The following WWOX variants were observed in gnomAD, a reference collection of about 807,000 sequenced individuals.
WWOX encodes the protein WW domain-containing oxidoreductase.
Under a neutral mutation model 46.2 loss-of-function variants are expected in WWOX, and 69 were observed. The ratio of observed to expected loss-of-function variants is 1.49; its 90% CI spans 1.23 to 1.82. The LOEUF (loss-of-function observed/expected upper bound fraction) is 1.82, where lower values mean the gene tolerates loss of function less well. Ranked by LOEUF, WWOX falls within the 40% of genes most tolerant of loss-of-function variation. The pLI is 0.00. For missense variants in WWOX, 919 were observed against 542.6 expected, an observed-to-expected ratio of 1.69 and a Z score of -6.89; for synonymous variants, 359 against 202.6, an observed-to-expected ratio of 1.77 and a Z score of -6.56.
chr16:78,113,141 G>C (rs1294889241), intron 3 of WWOX, among the ~76,000 whole-genome samples: 1 of 152,140 alleles, frequency 6.6e-6, no homozygotes, highest in Non-Finnish European at 1.5e-5. Flanking sequence ...CATGGTTCCT[G>C]GACCAGCAGC....
chr16:78,130,629 C>A (rs547069369), intron 4 of WWOX, among the ~76,000 whole-genome samples: 1 of 152,226 alleles, frequency 6.6e-6, no homozygotes, highest in Non-Finnish European at 1.5e-5. Flanking sequence ...TACCTGCCTG[C>A]TTCCTGTAGA....
intron 8 of WWOX, among the ~76,000 whole-genome samples, chr16:79,004,957 A>C (rs913740330): frequency 5.3e-5 from 8 of 152,044 alleles, no homozygotes; most frequent in Non-Finnish European, 1.2e-4. Context: ...TTCAGAAAGG[A>C]GGAGTTGTTG....
chr16:78,386,042 C>T (rs780750432), intron 5 of WWOX, among the ~76,000 whole-genome samples: 8 of 152,182 alleles, frequency 5.3e-5, no homozygotes, highest in African/African-American at 2.4e-5. Context: ...CCGACCTCTC[C>T]AGTTCTCCTG....
intron 8 of WWOX, among the ~76,000 whole-genome samples, chr16:79,074,718 C>G (rs1184444020): frequency 6.6e-6 from 1 of 151,894 alleles, no homozygotes; most frequent in African/African-American, 2.4e-5. Context: ...CTCTTCTTCC[C>G]TCTACAAAGA....
chr16:78,869,475 C>T (rs781296295), intron 8 of WWOX, among the ~76,000 whole-genome samples: 3 of 152,194 alleles, frequency 2.0e-5, no homozygotes, highest in Non-Finnish European at 4.4e-5. Context: ...CACAGCCCTC[C>T]CTCCCAGCTC....
intron 5 of WWOX, chr16:78,238,137 T>C (rs2037504120): frequency 6.6e-6 from 1 of 152,226 alleles, no homozygotes; most frequent in Admixed American, 6.5e-5. Flanking sequence ...GGTTCCAGCT[T>C]GGAAATATCC....
chr16:78,454,975 C>T (rs1313102903), intron 8 of WWOX, among the ~76,000 whole-genome samples: 1 of 152,188 alleles, frequency 6.6e-6, no homozygotes, highest in African/African-American at 2.4e-5. Context: ...TTGAGTGCCC[C>T]ACATGTCAGG....
At chr16:78,948,810 C>G (rs1264429315) in intron 8 of WWOX, among the ~76,000 whole-genome samples, 5 of 152,094 alleles carry the variant, frequency 3.3e-5, no homozygotes, top group African/African-American at 1.2e-4. Context: ...GGTAACTAAT[C>G]AGCTGACTTT....
intron 8 of WWOX, among the ~76,000 whole-genome samples, chr16:78,587,193 C>CTTTTTTTTTTTTTTTTTTTTTTTTTTT (rs528293412): frequency 8.9e-6 from 1 of 112,908 alleles, no homozygotes; most frequent in African/African-American, 3.4e-5. Context: ...GCCTGGCTAA[C>CTTTTTTTTTTTTTTTTTTTTTTTTTTT]TTTTTTTTTT....
At chr16:78,407,583 C>T (rs976248258) in intron 6 of WWOX, among the ~76,000 whole-genome samples, 9 of 152,172 alleles carry the variant, frequency 5.9e-5, no homozygotes, top group Admixed American at 2.6e-4. Flanking sequence ...GCACCTTTCT[C>T]ATCTCAGGTT....
chr16:78,581,900 C>G (rs915658019), intron 8 of WWOX, among the ~76,000 whole-genome samples: 1 of 152,066 alleles, frequency 6.6e-6, no homozygotes, highest in African/African-American at 2.4e-5. Flanking sequence ...AATGTGTGGT[C>G]TCGAGATGAC....
intron 5 of WWOX, among the ~76,000 whole-genome samples, chr16:78,173,868 C>T (rs1023402139): frequency 6.6e-6 from 1 of 152,088 alleles, no homozygotes; most frequent in African/African-American, 2.4e-5. Flanking sequence ...GGGTGCCAAC[C>T]TTGTTGAGTT....
At chr16:78,752,429 A>G (rs1329475978) in intron 8 of WWOX, among the ~76,000 whole-genome samples, 5 of 152,158 alleles carry the variant, frequency 3.3e-5, no homozygotes, top group Admixed American at 2.0e-4. Context: ...CTGGGATTAC[A>G]GGCACACACC....
chr16:78,368,825 G>C (rs894196021), intron 5 of WWOX, among the ~76,000 whole-genome samples: 7 of 152,212 alleles, frequency 4.6e-5, no homozygotes, highest in Admixed American at 3.9e-4. Context: ...TACAGAGCCA[G>C]ATTCGAATGT....
chr16:78,690,140 T>C (rs993022052), intron 8 of WWOX, among the ~76,000 whole-genome samples: 27 of 152,200 alleles, frequency 1.8e-4, no homozygotes, highest in African/African-American at 5.1e-4. Flanking sequence ...GGATTACAGG[T>C]GTGAGCCACC....
rs4035319 is a variant in WWOX, at chr16:79,189,423, TTGTGTGTGTGTGTGTGTGTGTG to T, written c.1057-22151_1057-22130del. On this transcript the variant is annotated intron_variant, in intron 8 of 8. Transcript: ENST00000566780. ...CAGGCATGCACCACCACTCCCAGCTTTGTGTGTGTGTGTGTGTGTGTGTGTGTGTGTGTGTGTGTGTGTGTGT... is the reference window on the plus strand; with the variant it reads ...CAGGCATGCACCACCACTCCCAGCTTTGTGTGTGTGTGTGTGTGTGTGTGT... Among the ~76,000 whole-genome samples the T allele has an allele frequency of 6.2e-3, 711 of 114,958 alleles. 10 individuals carry two copies. The highest frequency in any genetic ancestry group is 0.018 in the African/African-American group (529 of 29,624). The allele number at this position is 114,958 out of a possible 152,430, so 75.4% of individuals were successfully genotyped here.
At chr16:78,759,587 A>T (rs973499080) in intron 8 of WWOX, among the ~76,000 whole-genome samples, 6 of 152,148 alleles carry the variant, frequency 3.9e-5, no homozygotes, top group African/African-American at 1.4e-4. Context: ...CCCTCTAAAG[A>T]ATTCTCAATC....
chr16:78,691,200 C>T lies in WWOX; in HGVS notation c.1056+258448C>T, dbSNP rs762586561. On this transcript the variant is annotated intron_variant, in intron 8 of 8. Coordinates refer to ENST00000566780, the MANE Select transcript of WWOX (RefSeq NM_016373.4). Reference sequence around the variant, plus strand: ...GATAAGAGAATAGATGTAGGTCCAGCGCCTAGAATTTTAGCTATGCTTCTC... The same window carrying T: ...GATAAGAGAATAGATGTAGGTCCAGTGCCTAGAATTTTAGCTATGCTTCTC... 5.8e-5 allele frequency: 41 copies of T among 701,794 alleles called. 1 individual carries two copies. Among genetic ancestry groups the T allele is most frequent in the East Asian group, 1.6e-4 (6 of 37,276 alleles). 43.5% of individuals were successfully genotyped at this position (701,794 alleles called of 1,614,324 possible).
At chr16:78,364,236 TG>T (rs2151915697) in intron 5 of WWOX, among the ~76,000 whole-genome samples, 1 of 152,332 alleles carries the variant, frequency 6.6e-6, no homozygotes, top group South Asian at 2.1e-4. Flanking sequence ...TTTTCTTACC[TG>T]TCACAGCCAT....
Sources: allele counts gnomAD v4.1 joint callset (sites outside exome capture counted in the v4.1 genomes callset), GRCh38; gene constraint gnomAD v4.1.1; transcripts MANE v1.5; gene names NCBI Gene and HGNC (gene_info 2026-07-23, HGNC 2026-07-21).